The following HACE1 variants were observed in gnomAD, a reference collection of about 807,000 sequenced individuals.
The protein encoded by HACE1 is E3 ubiquitin-protein ligase HACE1.
In HACE1, 73 loss-of-function variants were observed where a neutral mutation model predicts 118.4. The ratio of observed to expected loss-of-function variants is 0.62; its 90% CI spans 0.51 to 0.75. HACE1 has a LOEUF of 0.75. HACE1 is among the 30% of genes least tolerant of loss of function. The pLI is 0.00. For synonymous variants in HACE1, 368 were observed against 374.8 expected (o/e 0.98, Z 0.21); for missense variants, 749 against 1,102.2 (o/e 0.68, Z 4.54).
Position 104,859,648 on chromosome 6 carries a change from G to A in HACE1, c.-6C>T. 3 of 1,531,204 alleles carry A rather than the reference G, an allele frequency of 2.0e-6. No individual in the cohort carries two copies. The highest frequency in any genetic ancestry group is 2.6e-6 in the Non-Finnish European group (3 of 1,142,604). The allele number at this position is 1,531,204 out of a possible 1,614,324, so 94.9% of individuals were successfully genotyped here. On this transcript the variant is annotated 5_prime_UTR_variant, in exon 1 of 24. Transcript: ENST00000262903. ...TGCTCCATCGCTCTCTCCATCCTCG[G>A]CGCGCCCTCCGCGATCCTCCGCGAT...
chr6:104,758,692 C>A (rs557147775), intron 19 of HACE1, among the ~76,000 whole-genome samples: 1 of 152,136 alleles, frequency 6.6e-6, no homozygotes, highest in Non-Finnish European at 1.5e-5. Context: ...CAAATTCACA[C>A]ATAACAATAC....
intron 7 of HACE1, among the ~76,000 whole-genome samples, chr6:104,800,531 G>A (rs541562363): frequency 6.6e-6 from 1 of 152,274 alleles, no homozygotes; most frequent in East Asian, 1.9e-4. Context: ...GGAACAGGCA[G>A]CAATATTTGC....
chr6:104,738,327 T>C (rs1273639274), intron 22 of HACE1, among the ~76,000 whole-genome samples: 1 of 151,964 alleles, frequency 6.6e-6, no homozygotes, highest in Non-Finnish European at 1.5e-5. Flanking sequence ...AGAATGACTT[T>C]GATGAGCTGA....
At chr6:104,747,123 C>CA (rs1454146243) in intron 20 of HACE1, among the ~76,000 whole-genome samples, 1 of 151,874 alleles carries the variant, frequency 6.6e-6, no homozygotes, top group Non-Finnish European at 1.5e-5. Context: ...TTTTAAGCCC[C>CA]AATCAATTTT....
chr6:104,730,728 T>C, intron 22 of HACE1: 1 of 328,316 alleles, frequency 3.0e-6, no homozygotes. Context: ...TCTATTGAAG[T>C]GGGGCTGATT....
At chr6:104,835,273 T>C (rs1774409484) in intron 5 of HACE1, among the ~76,000 whole-genome samples, 1 of 152,066 alleles carries the variant, frequency 6.6e-6, no homozygotes, top group African/African-American at 2.4e-5. Context: ...AAACATCTGA[T>C]AAACGCATCT....
intron 10 of HACE1, among the ~76,000 whole-genome samples, chr6:104,793,766 T>C (rs1215171486): frequency 6.6e-6 from 1 of 152,220 alleles, no homozygotes; most frequent in East Asian, 1.9e-4. Context: ...GGGAAACAAT[T>C]TGTATTTGAA....
chr6:104,780,719 T>C (rs909371308), intron 14 of HACE1, among the ~76,000 whole-genome samples: 2 of 152,202 alleles, frequency 1.3e-5, no homozygotes, highest in Non-Finnish European at 2.9e-5. Context: ...AAATTAACTC[T>C]GATAACACTA....
chr6:104,814,550 AAGAAAG>A (rs1449390075), intron 6 of HACE1, among the ~76,000 whole-genome samples: 1 of 138,304 alleles, frequency 7.2e-6, no homozygotes, highest in Non-Finnish European at 1.6e-5. Flanking sequence ...TCCTCCTCCA[AAGAAAG>A]AGAATAAACC....
chr6:104,729,614 G>A lies in HACE1; in HGVS notation c.*48C>T, dbSNP rs775184640. 1 of 919,786 alleles carries A rather than the reference G, an allele frequency of 1.1e-6. No homozygotes were observed. Among genetic ancestry groups the A allele is most frequent in the Non-Finnish European group, 1.8e-6 (1 of 547,152 alleles). The allele number at this position is 919,786 out of a possible 1,614,324, so 57.0% of individuals were successfully genotyped here. A position where few individuals can be genotyped will look rare whatever the true frequency, so the allele number is the denominator to read the frequency against. On this transcript the variant is annotated 3_prime_UTR_variant, in exon 24 of 24. Transcript: ENST00000262903. ...GTTGACATTTTCCCAAATTACTTCT[G>A]CCATTCTGAATTGTGCATCAGTAGT...
At chr6:104,823,785 G>A (rs570432965) in intron 6 of HACE1, among the ~76,000 whole-genome samples, 17 of 151,740 alleles carry the variant, frequency 1.1e-4, no homozygotes, top group Admixed American at 3.9e-4. Context: ...GTTTGCTGGC[G>A]GTTTTCTTTT....
intron 5 of HACE1, among the ~76,000 whole-genome samples, chr6:104,836,874 C>T (rs1774592188): frequency 6.6e-6 from 1 of 152,110 alleles, no homozygotes; most frequent in South Asian, 2.1e-4. Flanking sequence ...CATGCATAAA[C>T]TCAAATTAAA....
In HACE1 at chr6:104,752,731, C is replaced by T. The variant is rs962601196; in HGVS notation, c.2212-2259G>A. Reference sequence around the variant, plus strand: ...AATTAATTCCTATTATTTCCTCCTACATTTTATTTTTTAATTAATTTTTAC... The same window carrying T: ...AATTAATTCCTATTATTTCCTCCTATATTTTATTTTTTAATTAATTTTTAC... On this transcript the variant is annotated intron_variant, in intron 19 of 23. Transcript: ENST00000262903. 2.6e-5 allele frequency among the ~76,000 whole-genome samples: 4 copies of T among 151,936 alleles called. No homozygotes were observed. The South Asian group carries it at 8.3e-4, about 31-fold the overall frequency.
intron 22 of HACE1, 83 bp from the exon 23 acceptor site, chr6:104,730,499 G>A (rs1775087910): frequency 1.3e-6 from 1 of 759,530 alleles, no homozygotes; most frequent in Non-Finnish European, 2.4e-6. Flanking sequence ...AGTTAGGGTA[G>A]GAATATATCC....
At chr6:104,829,724 T>G (rs1231881762) in intron 6 of HACE1, among the ~76,000 whole-genome samples, 2 of 152,150 alleles carry the variant, frequency 1.3e-5, no homozygotes. Flanking sequence ...CAAGTCAACA[T>G]GACTTTTTGT....
At chr6:104,764,057 A>G (rs1364514974) in intron 19 of HACE1, among the ~76,000 whole-genome samples, 1 of 151,842 alleles carries the variant, frequency 6.6e-6, no homozygotes, top group Non-Finnish European at 1.5e-5. Flanking sequence ...AAACAAACAA[A>G]CAAAAAAAAA....
intron 19 of HACE1, among the ~76,000 whole-genome samples, chr6:104,759,575 T>C (rs1264286505): frequency 6.6e-6 from 1 of 152,168 alleles, no homozygotes; most frequent in African/African-American, 2.4e-5. Context: ...TTTTTAGCAC[T>C]AAACGCCCAC....
In HACE1 at chr6:104,772,003, G is replaced by T. The variant is rs542288591; in HGVS notation, c.1936C>A (p.Gln646Lys). 6 of 1,609,024 alleles carry T rather than the reference G, an allele frequency of 3.7e-6. No homozygotes were observed. In the South Asian group the frequency reaches 6.6e-5, roughly 18 times the overall value. Reference protein sequence around the residue: ...DHLNYFRFAGQILGLALNHRQ... With the variant: ...DHLNYFRFAGKILGLALNHRQ... ...TGGTTCAACGCTAATCCCAAGATCT[G>T]CCCAGCAAACCGAAAATAGTTCAAG... Residue 646 changes from glutamine to lysine, a missense_variant, in exon 18 of 24, where the codon CAG becomes AAG. This residue lies in a region of HACE1 where 195 missense variants were observed against 322.1 expected (regional missense o/e 0.61). Transcript: ENST00000262903.
At position 104,785,131 on chromosome 6, in the gene HACE1, A is replaced by G. The variant is rs747389143; in HGVS notation, c.1263T>C (p.Thr421=). The G allele has an allele frequency of 2.5e-5, 40 of 1,613,882 alleles. No individual in the cohort carries two copies. In the South Asian group the frequency reaches 4.4e-4, roughly 18 times the overall value. The change falls in exon 12 of 24, where the codon ACT becomes ACC. Residue 421 remains threonine, a synonymous_variant. Coordinates refer to ENST00000262903, the MANE Select transcript of HACE1 (RefSeq NM_020771.4). The part of the protein sequence containing the change: ...PGPGSYENLS[T]GTRESKPDAL... Reference sequence around the variant, plus strand: ...CATCTGGTTTAGATTCCCTTGTGCCAGTGGACAGATTTTCATAGCTCCCAG... The same window carrying G: ...CATCTGGTTTAGATTCCCTTGTGCCGGTGGACAGATTTTCATAGCTCCCAG...
Sources: gnomAD v4.1 joint callset for allele counts (sites outside exome capture counted in the v4.1 genomes callset) on GRCh38, gnomAD v4.1.1 for gene constraint, gnomAD v4.1.1 regional missense constraint, MANE v1.5 for transcripts, NCBI Gene and HGNC (gene_info 2026-07-23, HGNC 2026-07-21) for gene names.